Variants in TSPAN5 observed in about 807,000 individuals in gnomAD.
The protein encoded by TSPAN5 is tetraspanin-5.
TSPAN5 carries 10 observed loss-of-function variants against 37.1 expected under a neutral mutation model. The ratio of observed to expected loss-of-function variants is 0.27; its 90% CI spans 0.17 to 0.46. The LOEUF (loss-of-function observed/expected upper bound fraction) is 0.46. TSPAN5 is among the 20% of genes least tolerant of loss of function. TSPAN5 has a pLI of 1.00. For synonymous variants in TSPAN5, 110 were observed against 118.9 expected, an observed-to-expected ratio of 0.93 and a Z score of 0.48; for missense variants, 195 against 326.6, an observed-to-expected ratio of 0.60 and a Z score of 3.11.
At chr4:98,497,272 G>A (rs184554609) in intron 2 of TSPAN5, among the ~76,000 whole-genome samples, 25 of 149,426 alleles carry the variant, frequency 1.7e-4, no homozygotes, top group African/African-American at 3.2e-4. Flanking sequence ...AGCCGAGATC[G>A]TGCCACTGCA....
At chr4:98,479,110 G>T (rs1008076656) in intron 4 of TSPAN5, among the ~76,000 whole-genome samples, 1 of 152,168 alleles carries the variant, frequency 6.6e-6, no homozygotes, top group Non-Finnish European at 1.5e-5. Context: ...GATCTGTTTG[G>T]CTTGGGCACG....
intron 1 of TSPAN5, among the ~76,000 whole-genome samples, chr4:98,535,838 T>C (rs1754219409): frequency 6.6e-6 from 1 of 152,238 alleles, no homozygotes; most frequent in Non-Finnish European, 1.5e-5. Context: ...TGTTGATACT[T>C]GTATATGCTT....
chr4:98,627,301 C>T (rs1192586025), intron 1 of TSPAN5, among the ~76,000 whole-genome samples: 2 of 151,896 alleles, frequency 1.3e-5, no homozygotes, highest in African/African-American at 2.4e-5. Flanking sequence ...CTATAAAGGA[C>T]GTTACTGGGA....
chr4:98,507,643 C>T, intron 2 of TSPAN5, 35 bp downstream of exon 2: 2 of 1,559,386 alleles, frequency 1.3e-6, no homozygotes, highest in Non-Finnish European at 8.8e-7. Context: ...CCTCTAACAA[C>T]CACGATGTGT....
intron 1 of TSPAN5, among the ~76,000 whole-genome samples, chr4:98,531,537 T>C (rs188761961): frequency 1.3e-5 from 2 of 152,288 alleles, no homozygotes; most frequent in Admixed American, 1.3e-4. Context: ...CATACATACA[T>C]GTGTCTTTAT....
intron 1 of TSPAN5, among the ~76,000 whole-genome samples, chr4:98,531,282 C>CT (rs1278635208): frequency 6.6e-6 from 1 of 152,094 alleles, no homozygotes; most frequent in Non-Finnish European, 1.5e-5. Flanking sequence ...GTGTGTTCTC[C>CT]TTGTTCAACT....
intron 1 of TSPAN5, among the ~76,000 whole-genome samples, chr4:98,561,970 C>A (rs1454109478): frequency 2.6e-5 from 4 of 152,204 alleles, no homozygotes; most frequent in Admixed American, 2.6e-4. Flanking sequence ...TACGAAACAG[C>A]ATGGCAGCTC....
chr4:98,655,664 G>A lies in TSPAN5; in HGVS notation c.81+2482C>T, dbSNP rs755843201. ...ATTGTATGGGAGTAGCACCGAGTCT[G>A]CTGTTTTTGGCAATCACAGACAGGT... On this transcript the variant is annotated intron_variant, in intron 1 of 7. Transcript: ENST00000305798. 4.2e-3 allele frequency among the ~76,000 whole-genome samples: 640 copies of A among 152,354 alleles called. 3 individuals are homozygous for A. Among genetic ancestry groups the A allele is most frequent in the Non-Finnish European group, 7.8e-3 (530 of 68,026 alleles).
chr4:98,616,587 C>T (rs1002681779), intron 1 of TSPAN5, among the ~76,000 whole-genome samples: 3 of 152,188 alleles, frequency 2.0e-5, no homozygotes, highest in Non-Finnish European at 2.9e-5. Flanking sequence ...GGGAGCATAG[C>T]GCACAGCCTC....
intron 1 of TSPAN5, among the ~76,000 whole-genome samples, chr4:98,562,617 C>T (rs907675440): frequency 1.3e-5 from 2 of 151,970 alleles, no homozygotes; most frequent in South Asian, 2.1e-4. Context: ...GCCGAGATCG[C>T]GCCACTGCAC....
chr4:98,652,725 C>T (rs1401645776), intron 1 of TSPAN5, among the ~76,000 whole-genome samples: 1 of 152,118 alleles, frequency 6.6e-6, no homozygotes, highest in Non-Finnish European at 1.5e-5. Flanking sequence ...GGGGTGCTTA[C>T]AAGAAAAACA....
intron 1 of TSPAN5, among the ~76,000 whole-genome samples, chr4:98,602,209 A>G (rs1219855567): frequency 6.6e-6 from 1 of 152,228 alleles, no homozygotes; most frequent in Non-Finnish European, 1.5e-5. Context: ...CTCTTGCTCC[A>G]TGAAGGGTTG....
At chr4:98,612,664 T>C (rs1265367572) in intron 1 of TSPAN5, among the ~76,000 whole-genome samples, 1 of 152,200 alleles carries the variant, frequency 6.6e-6, no homozygotes, top group Admixed American at 6.5e-5. Flanking sequence ...CTGCCATCTC[T>C]GCCAGGAGCA....
intron 1 of TSPAN5, among the ~76,000 whole-genome samples, chr4:98,555,287 A>G (rs1222772719): frequency 6.6e-6 from 1 of 152,162 alleles, no homozygotes; most frequent in Non-Finnish European, 1.5e-5. Context: ...CCAGTCACAC[A>G]GGCCTACTTT....
chr4:98,628,748 TTAAAACAAC>T (rs916005851), intron 1 of TSPAN5, among the ~76,000 whole-genome samples: 4 of 152,178 alleles, frequency 2.6e-5, no homozygotes, highest in African/African-American at 9.7e-5. Context: ...ACACCAGCTT[TTAAAACAAC>T]TAAAACAAAC....
chr4:98,583,228 T>G (rs1755408772), intron 1 of TSPAN5, among the ~76,000 whole-genome samples: 1 of 152,202 alleles, frequency 6.6e-6, no homozygotes, highest in Non-Finnish European at 1.5e-5. Context: ...TTTCCTTCAT[T>G]TTGTCTCCCT....
chr4:98,570,973 C>T (rs1315763501), intron 1 of TSPAN5, among the ~76,000 whole-genome samples: 2 of 151,364 alleles, frequency 1.3e-5, no homozygotes, highest in Admixed American at 1.3e-4. Flanking sequence ...GATCGCGCCA[C>T]TACGCTCCAA....
chr4:98,555,571 T>C (rs1754723240), intron 1 of TSPAN5, among the ~76,000 whole-genome samples: 1 of 152,180 alleles, frequency 6.6e-6, no homozygotes, highest in South Asian at 2.1e-4. Flanking sequence ...GGAGACCATG[T>C]CCATCTTATC....
At chr4:98,501,978 A>T (rs960966431) in intron 2 of TSPAN5, among the ~76,000 whole-genome samples, 2 of 152,222 alleles carry the variant, frequency 1.3e-5, no homozygotes, top group African/African-American at 4.8e-5. Flanking sequence ...AGAACAGGGT[A>T]TAACAGCGGA....
Sources: gnomAD v4.1 joint callset for allele counts (sites outside exome capture counted in the v4.1 genomes callset) on GRCh38, gnomAD v4.1.1 for gene constraint, MANE v1.5 for transcripts, NCBI Gene and HGNC (gene_info 2026-07-23, HGNC 2026-07-21) for gene names.